The following TFEC variants were observed in gnomAD, a reference collection of about 807,000 sequenced individuals.
TFEC encodes the protein class E basic helix-loop-helix protein 34.
Under a neutral mutation model 41.6 loss-of-function variants are expected in TFEC, and 31 were observed. The ratio of observed to expected loss-of-function variants is 0.74; its 90% CI spans 0.56 to 1.01. TFEC has a LOEUF of 1.01. Among genes scored for constraint, TFEC ranks in the 50% least tolerant of loss-of-function variants. The pLI, the probability that TFEC is intolerant of heterozygous loss-of-function variation, is 0.00. For missense variants in TFEC, 402 were observed against 404.1 expected, an observed-to-expected ratio of 0.99 and a Z score of 0.04; for synonymous variants, 143 against 140.6, an observed-to-expected ratio of 1.02 and a Z score of -0.12.
chr7:116,049,623 G>A (rs1032523427), intron 3 of TFEC, among the ~76,000 whole-genome samples: 10 of 152,212 alleles, frequency 6.6e-5, no homozygotes, highest in Non-Finnish European at 1.3e-4. Flanking sequence ...TCTGCACCGA[G>A]TGGACCTAAT....
At chr7:115,968,171 A>C in intron 3 of TFEC, 2 of 1,524,306 alleles carry the variant, frequency 1.3e-6, no homozygotes, top group Non-Finnish European at 1.8e-6. Flanking sequence ...GAATTCCAAA[A>C]TATACTTGCT....
At chr7:115,946,801 A>C (rs1791599236) in intron 6 of TFEC, among the ~76,000 whole-genome samples, 1 of 150,700 alleles carries the variant, frequency 6.6e-6, no homozygotes, top group Admixed American at 6.6e-5. Context: ...CTCCCAAAGT[A>C]CTGGGATTAC....
intron 1 of TFEC, among the ~76,000 whole-genome samples, chr7:116,136,156 A>G (rs570776215): frequency 6.6e-6 from 1 of 152,154 alleles, no homozygotes; most frequent in South Asian, 2.1e-4. Flanking sequence ...TTTTTAAGCC[A>G]TGCATTTAAT....
chr7:116,111,934 T>C (rs773080570), intron 2 of TFEC: 23 of 880,128 alleles, frequency 2.6e-5, no homozygotes, highest in Non-Finnish European at 3.0e-5. Context: ...CTTGATTGAA[T>C]AAACTTGTGG....
At chr7:115,996,056 A>C (rs1004060107) in intron 1 of TFEC, among the ~76,000 whole-genome samples, 2 of 152,228 alleles carry the variant, frequency 1.3e-5, no homozygotes, top group African/African-American at 4.8e-5. Flanking sequence ...CTTAGCTTAC[A>C]GCCAGTGGAC....
At chr7:115,963,412 T>G (rs1470695085) in intron 3 of TFEC, among the ~76,000 whole-genome samples, 1 of 151,756 alleles carries the variant, frequency 6.6e-6, no homozygotes, top group Non-Finnish European at 1.5e-5. Context: ...AATTAACATA[T>G]GATCCAGTAA....
chr7:115,944,013 A>ATTTTTTTTTTTTTTTTTTTTTTTT lies in TFEC; in HGVS notation c.516-1997_516-1974dup. On this transcript the variant is annotated intron_variant, in intron 6 of 7. Coordinates refer to ENST00000265440, the MANE Select transcript of TFEC (RefSeq NM_012252.4). ...GAAAATAATACTATGACAGGTCTGA[A>ATTTTTTTTTTTTTTTTTTTTTTTT]TTTTTTTTTTTTTTTTTTTTTTTTT... Among the ~76,000 whole-genome samples the ATTTTTTTTTTTTTTTTTTTTTTTT allele has an allele frequency of 2.4e-3, 55 of 22,830 alleles. 8 individuals carry two copies. Among genetic ancestry groups the ATTTTTTTTTTTTTTTTTTTTTTTT allele is most frequent in the East Asian group, 0.011 (12 of 1,118 alleles). The allele number at this position is 22,830 out of a possible 152,430, so 15.0% of individuals were successfully genotyped here. A position where few individuals can be genotyped will look rare whatever the true frequency, so the allele number is the denominator to read the frequency against.
intron 1 of TFEC, among the ~76,000 whole-genome samples, chr7:116,008,752 C>A (rs1794895746): frequency 6.6e-6 from 1 of 152,092 alleles, no homozygotes; most frequent in African/African-American, 2.4e-5. Flanking sequence ...ATTATACAGT[C>A]GAGCTTGTCT....
intron 1 of TFEC, among the ~76,000 whole-genome samples, chr7:116,021,960 C>G (rs187478625): frequency 5.9e-5 from 9 of 152,256 alleles, no homozygotes; most frequent in East Asian, 3.9e-4. Context: ...AGGGCTCCCC[C>G]CAGAGTTGGT....
chr7:116,126,749 C>A (rs1798217772), intron 1 of TFEC, among the ~76,000 whole-genome samples: 3 of 151,898 alleles, frequency 2.0e-5, no homozygotes, highest in Non-Finnish European at 2.9e-5. Context: ...TGATATACCC[C>A]AGTCAATTGA....
In TFEC at chr7:115,935,658, A is replaced by G. The variant is rs919522606; in HGVS notation, c.*4893T>C. On this transcript the variant is annotated 3_prime_UTR_variant, in exon 8 of 8. Coordinates refer to ENST00000265440, the MANE Select transcript of TFEC (RefSeq NM_012252.4). ...TATTTTGTCTGCTACATAAACTACC[A>G]GCTTTAGCACAAGAACAAAATTTAT... 11 of 151,664 alleles carry G rather than the reference A, an allele frequency of 7.3e-5. No homozygotes were observed. Among genetic ancestry groups the G allele is most frequent in the African/African-American group, 2.7e-4 (11 of 41,422 alleles). 9.4% of individuals were successfully genotyped at this position (151,664 alleles called of 1,614,324 possible).
At chr7:116,115,167 T>A (rs1448486661) in intron 1 of TFEC, among the ~76,000 whole-genome samples, 1 of 152,054 alleles carries the variant, frequency 6.6e-6, no homozygotes, top group Admixed American at 6.6e-5. Flanking sequence ...CCTATAATAC[T>A]CATCACAGAA....
intron 1 of TFEC, among the ~76,000 whole-genome samples, chr7:115,994,665 A>C (rs1794280365): frequency 6.6e-6 from 1 of 152,242 alleles, no homozygotes; most frequent in African/African-American, 2.4e-5. Flanking sequence ...CACACCAGTT[A>C]GAATGGCAAT....
At chr7:115,946,668 CTTCTT>C (rs1306515217) in intron 6 of TFEC, among the ~76,000 whole-genome samples, 2 of 136,640 alleles carry the variant, frequency 1.5e-5, no homozygotes, top group African/African-American at 2.8e-5. Context: ...TCCTTCCTTC[CTTCTT>C]TTCTTTTCTT....
At chr7:116,139,296 C>T (rs987157689) in intron 1 of TFEC, among the ~76,000 whole-genome samples, 5 of 152,148 alleles carry the variant, frequency 3.3e-5, no homozygotes, top group African/African-American at 7.2e-5. Flanking sequence ...CTAACACGGG[C>T]GTCCCAGGAA....
intron 1 of TFEC, among the ~76,000 whole-genome samples, chr7:116,006,195 G>A (rs1477704373): frequency 6.6e-6 from 1 of 152,202 alleles, no homozygotes; most frequent in Non-Finnish European, 1.5e-5. Flanking sequence ...ACTGCTTAGT[G>A]GAGCTGTGAG....
intron 3 of TFEC, among the ~76,000 whole-genome samples, chr7:116,080,043 T>A (rs1797052619): frequency 6.6e-6 from 1 of 152,100 alleles, no homozygotes; most frequent in Non-Finnish European, 1.5e-5. Context: ...TACAACCAAC[T>A]GATCTTCAGC....
At chr7:116,047,710 G>C (rs1028265598) in intron 3 of TFEC, among the ~76,000 whole-genome samples, 2 of 152,156 alleles carry the variant, frequency 1.3e-5, no homozygotes, top group Non-Finnish European at 2.9e-5. Context: ...TCCTCAAGTG[G>C]GTCCCTGACC....
rs980763174 is a variant in TFEC at position 115,984,660 on chromosome 7, G to A, written c.-72-147C>T. On this transcript the variant is annotated intron_variant, in intron 1 of 7. Transcript: ENST00000265440. ...TCTATCGTCCATACTTCTGTCATAA[G>A]TTACATACAATTTTAATGGGTTATG... The A allele has an allele frequency of 6.4e-6, 6 of 938,848 alleles. No homozygotes were observed. The African/African-American group carries it at 1.0e-4, about 16-fold the overall frequency. 58.2% of individuals were successfully genotyped at this position (938,848 alleles called of 1,614,324 possible).
Sources: allele counts gnomAD v4.1 joint callset (sites outside exome capture counted in the v4.1 genomes callset), GRCh38; gene constraint gnomAD v4.1.1; transcripts MANE v1.5; gene names NCBI Gene and HGNC (gene_info 2026-07-23, HGNC 2026-07-21).